The following TEKT3 variants were observed in gnomAD, a reference collection of about 807,000 sequenced individuals.
TEKT3 encodes the protein tektin-3.
A neutral mutation model predicts 49.8 loss-of-function variants in TEKT3; 49 were observed. That is an observed-to-expected ratio of 0.98 (90% CI 0.78 to 1.25). TEKT3 has a LOEUF of 1.25. Ranked by LOEUF, TEKT3 falls within the 50% of genes most tolerant of loss-of-function variation. TEKT3 has a pLI of 0.00. For synonymous variants in TEKT3, 225 were observed against 237.2 expected (o/e 0.95, Z 0.47); for missense variants, 595 against 629.5 (o/e 0.95, Z 0.59).
chr17:15,331,544 G>A lies in TEKT3; in HGVS notation c.42C>T (p.His14=). 2 of 1,613,654 alleles carry A rather than the reference G, an allele frequency of 1.2e-6. No homozygotes were observed. The highest frequency in any genetic ancestry group is 2.2e-5 in the South Asian group (2 of 91,018). ...GAAAGTTGGTTGGTGTTGGTCTAGG[G>A]TGGGCGTAAGTTGTCGTTAAAGTAC... The part of the protein sequence containing the change: ...VGCTLTTTYA[H]PRPTPTNFLP... Residue 14 remains histidine, a synonymous_variant, in exon 3 of 9, where the codon CAC becomes CAT. Coordinates refer to ENST00000395930, the MANE Select transcript of TEKT3 (RefSeq NM_031898.3).
chr17:15,315,084 C>T (rs1396606773), intron 5 of TEKT3, among the ~76,000 whole-genome samples: 1 of 152,186 alleles, frequency 6.6e-6, no homozygotes, highest in Admixed American at 6.5e-5. Flanking sequence ...GCCTGGGATG[C>T]GTCAGTGGAC....
intron 4 of TEKT3, among the ~76,000 whole-genome samples, chr17:15,321,340 T>A (rs1911248673): frequency 6.6e-6 from 1 of 152,092 alleles, no homozygotes; most frequent in Non-Finnish European, 1.5e-5. Context: ...ATTTAAATAA[T>A]GTCATATGAT....
chr17:15,303,923 C>G lies in TEKT3; in HGVS notation c.*13G>C, dbSNP rs760951084. 9.3e-6 allele frequency: 15 copies of G among 1,613,204 alleles called. No homozygotes were observed. The highest frequency in any genetic ancestry group is 2.2e-5 in the South Asian group (2 of 91,034). ...TTAACTTAGGGGTATCAAAACCACA[C>G]CCGGTGGGGTCCCTAGCAGAAGCCG... On this transcript the variant is annotated 3_prime_UTR_variant, in exon 9 of 9. Coordinates refer to ENST00000395930, the MANE Select transcript of TEKT3 (RefSeq NM_031898.3).
upstream of TEKT3, among the ~76,000 whole-genome samples, chr17:15,343,615 A>G (rs141165666): frequency 7.2e-3 from 1,100 of 152,358 alleles, 14 homozygotes; most frequent in African/African-American, 0.025. Flanking sequence ...GGACTCAGTC[A>G]ATGTTTGTTA....
At chr17:15,330,946 A>G (rs1806136512) in intron 3 of TEKT3, 61 bp downstream of exon 3, 2 of 1,424,602 alleles carry the variant, frequency 1.4e-6, no homozygotes, top group African/African-American at 2.9e-5. Flanking sequence ...AAATAACCAC[A>G]GTAACTCAAC....
chr17:15,343,460 A>G (rs528294314), upstream of TEKT3, among the ~76,000 whole-genome samples: 1 of 152,268 alleles, frequency 6.6e-6, no homozygotes, highest in East Asian at 1.9e-4. Context: ...ACCTCCTACA[A>G]TGCTTATTAA....
chr17:15,337,136 T>A (rs1342512969), intron 2 of TEKT3, among the ~76,000 whole-genome samples: 1 of 152,076 alleles, frequency 6.6e-6, no homozygotes, highest in East Asian at 1.9e-4. Context: ...ATGGTTATTT[T>A]AAAATAATTT....
At chr17:15,330,692 C>T (rs1911686759) in intron 3 of TEKT3, among the ~76,000 whole-genome samples, 1 of 152,166 alleles carries the variant, frequency 6.6e-6, no homozygotes, top group African/African-American at 2.4e-5. Context: ...TTCTTTATAG[C>T]AATGTGAGAA....
upstream of TEKT3, chr17:15,341,599 G>A (rs1321661867): frequency 3.3e-5 from 5 of 152,360 alleles, no homozygotes; most frequent in African/African-American, 1.2e-4. Context: ...CCCTCGACTG[G>A]GGCCCAGACC....
intron 2 of TEKT3, among the ~76,000 whole-genome samples, chr17:15,332,958 A>G (rs1170419662): frequency 6.6e-6 from 1 of 151,776 alleles, no homozygotes; most frequent in Non-Finnish European, 1.5e-5. Context: ...ATCTATACCT[A>G]TATACAAAGC....
At chr17:15,307,436 T>A (rs948085588) in intron 8 of TEKT3, among the ~76,000 whole-genome samples, 6 of 152,232 alleles carry the variant, frequency 3.9e-5, no homozygotes, top group African/African-American at 1.2e-4. Flanking sequence ...ACTTGTAATA[T>A]GAAGGTAATG....
chr17:15,319,654 C>G (rs545158315), intron 4 of TEKT3, among the ~76,000 whole-genome samples: 2 of 152,256 alleles, frequency 1.3e-5, no homozygotes, highest in Admixed American at 6.5e-5. Context: ...GGAGGTCGCC[C>G]TCCGGTCCTG....
intron 8 of TEKT3, among the ~76,000 whole-genome samples, chr17:15,306,655 C>A (rs1910564130): frequency 6.6e-6 from 1 of 151,802 alleles, no homozygotes; most frequent in Non-Finnish European, 1.5e-5. Context: ...GACCACTACC[C>A]AAAACTCATT....
rs774934841 is a variant in TEKT3 at position 15,314,104 on chromosome 17, C to T, written c.861G>A (p.Val287=). 3.7e-6 allele frequency: 6 copies of T among 1,614,072 alleles called. No homozygotes were observed. The African/African-American group carries it at 8.0e-5, about 22-fold the overall frequency. Residue 287 remains valine (V), a synonymous_variant, in exon 6 of 9, where the codon GTG becomes GTA. Coordinates refer to ENST00000395930, the MANE Select transcript of TEKT3 (RefSeq NM_031898.3). ...TSDGVGYFRG[V]ERVDATVSVP... is the part of the protein sequence containing the mutation. ...TGACTTACGTTGCATCGACCCTCTCCACTCCGCGGAAGTAGCCGACACCGT... is the reference window on the plus strand; with the variant it reads ...TGACTTACGTTGCATCGACCCTCTCTACTCCGCGGAAGTAGCCGACACCGT...
intron 3 of TEKT3, among the ~76,000 whole-genome samples, chr17:15,329,405 T>C (rs893206367): frequency 6.6e-6 from 1 of 152,166 alleles, no homozygotes; most frequent in African/African-American, 2.4e-5. Context: ...AAAGTAGTCA[T>C]CACTGAAAGG....
chr17:15,323,199 G>A, intron 4 of TEKT3, among the ~76,000 whole-genome samples: 1 of 152,344 alleles, frequency 6.6e-6, no homozygotes, highest in Middle Eastern at 3.4e-3. Flanking sequence ...CCAGCAGCAG[G>A]TCTGACATCT....
At chr17:15,317,552 A>C (rs1911062203) in intron 5 of TEKT3, among the ~76,000 whole-genome samples, 1 of 152,138 alleles carries the variant, frequency 6.6e-6, no homozygotes, top group East Asian at 1.9e-4. Flanking sequence ...AAACCTCTCC[A>C]ACCTTCGTGG....
chr17:15,314,520 G>T (rs986849400), intron 5 of TEKT3, among the ~76,000 whole-genome samples: 1 of 152,202 alleles, frequency 6.6e-6, no homozygotes, highest in Non-Finnish European at 1.5e-5. Context: ...TGCAGCCCCA[G>T]CTGGGGCCCA....
intron 4 of TEKT3, among the ~76,000 whole-genome samples, chr17:15,323,102 C>T (rs1463168835): frequency 1.3e-5 from 2 of 152,196 alleles, no homozygotes; most frequent in Non-Finnish European, 2.9e-5. Context: ...ATCCTCTTTC[C>T]GTGCTGGTTG....
Sources: allele counts gnomAD v4.1 joint callset (sites outside exome capture counted in the v4.1 genomes callset), GRCh38; gene constraint gnomAD v4.1.1; transcripts MANE v1.5; gene names NCBI Gene and HGNC (gene_info 2026-07-23, HGNC 2026-07-21).